Variants in LSM4 observed in about 807,000 individuals in gnomAD.
LSM4 encodes the protein LSM4 homolog, U6 small nuclear RNA and mRNA degradation associated.
LSM4 carries 15 observed loss-of-function variants against 22.3 expected under a neutral mutation model. The observed-to-expected ratio is 0.67, with a 90% CI of 0.45 to 1.03. The LOEUF (loss-of-function observed/expected upper bound fraction) is 1.03, where lower values mean the gene tolerates loss of function less well. Ranked by LOEUF, LSM4 falls within the 50% of genes least tolerant of loss-of-function variation. LSM4 has a pLI of 0.00. For synonymous variants in LSM4, 90 were observed against 79.8 expected (o/e 1.13, Z -0.68); for missense variants, 127 against 198.0 (o/e 0.64, Z 2.15).
At chr19:18,308,805 C>G (rs1238962278) in intron 4 of LSM4, among the ~76,000 whole-genome samples, 1 of 152,232 alleles carries the variant, frequency 6.6e-6, no homozygotes, top group Non-Finnish European at 1.5e-5. Flanking sequence ...GGCCACCAAC[C>G]TCCCCTCTCA....
rs775402670 is a variant in LSM4 at position 18,323,037 on chromosome 19, G to C, written c.-17C>G. On this transcript the variant is annotated 5_prime_UTR_variant, in exon 1 of 5. Transcript: ENST00000593829. ...CCTCACCATGGTGCCGGCGGGGACCGGGCTCGCCGGCCACTTCCGCCGCCG... is the reference window on the plus strand; with the variant it reads ...CCTCACCATGGTGCCGGCGGGGACCCGGCTCGCCGGCCACTTCCGCCGCCG... The C allele has an allele frequency of 5.8e-6, 9 of 1,544,480 alleles. No individual in the cohort carries two copies. Among genetic ancestry groups the C allele is most frequent in the East Asian group, 2.6e-5 (1 of 38,516 alleles).
intron 1 of LSM4, among the ~76,000 whole-genome samples, chr19:18,319,301 T>C (rs1212474529): frequency 2.0e-5 from 3 of 150,476 alleles, no homozygotes; most frequent in East Asian, 4.0e-4. Flanking sequence ...CCGTGGCTCA[T>C]GCCTGTAATC....
rs746136304 is a variant in LSM4 at position 18,309,709 on chromosome 19, C to G, written c.297G>C (p.Gln99His). Residue 99 changes from glutamine (Q) to histidine (H), a missense_variant, in exon 4 of 5, where the codon CAG becomes CAC. Coordinates refer to ENST00000593829, the MANE Select transcript of LSM4 (RefSeq NM_012321.5). The part of the protein sequence containing the change: ...GRGGLQQQKQ[Q>H]KGRGMGGAGR... ...CAGCGCCGCCCATGCCGCGGCCTTT[C>G]TGCTGCTTCTGCTGCTGCAGGCCTC... 3 of 1,610,564 alleles carry G rather than the reference C, an allele frequency of 1.9e-6. No homozygotes were observed. Among genetic ancestry groups the G allele is most frequent in the Non-Finnish European group, 1.7e-6 (2 of 1,178,782 alleles).
intron 3 of LSM4, among the ~76,000 whole-genome samples, chr19:18,311,633 C>T (rs1436554946): frequency 1.3e-5 from 2 of 152,150 alleles, no homozygotes; most frequent in African/African-American, 4.8e-5. Context: ...CACCAAGGCA[C>T]CATCCGACAC....
chr19:18,322,578 T>G (rs1442317027), intron 1 of LSM4, among the ~76,000 whole-genome samples: 2 of 152,170 alleles, frequency 1.3e-5, no homozygotes, highest in Non-Finnish European at 2.9e-5. Context: ...TTGCAAGCTC[T>G]GAAATTCCTA....
chr19:18,311,413 A>G (rs1970296212), intron 3 of LSM4, among the ~76,000 whole-genome samples: 1 of 152,172 alleles, frequency 6.6e-6, no homozygotes, highest in Non-Finnish European at 1.5e-5. Flanking sequence ...CAGGCTGCTC[A>G]GGGAAAGCCA....
intron 4 of LSM4, 89 bp downstream of exon 4, chr19:18,309,589 A>G (rs2148137770): frequency 7.2e-7 from 1 of 1,385,246 alleles, no homozygotes; most frequent in East Asian, 2.4e-5. Flanking sequence ...GCTCCGAGGC[A>G]GCGCTGCAAG....
intron 1 of LSM4, among the ~76,000 whole-genome samples, chr19:18,322,503 C>T (rs1191973194): frequency 6.6e-6 from 1 of 152,178 alleles, no homozygotes; most frequent in South Asian, 2.1e-4. Context: ...AAACACCACA[C>T]CCCAGCACCA....
At chr19:18,314,545 C>G (rs1375194018) in intron 2 of LSM4, among the ~76,000 whole-genome samples, 1 of 151,974 alleles carries the variant, frequency 6.6e-6, no homozygotes, top group Non-Finnish European at 1.5e-5. Context: ...AGTATCCGCT[C>G]CACGGAGTAT....
chr19:18,318,620 G>A (rs1055112738), intron 1 of LSM4, among the ~76,000 whole-genome samples: 6 of 152,238 alleles, frequency 3.9e-5, no homozygotes, highest in South Asian at 2.1e-4. Flanking sequence ...TCTCTAGTCC[G>A]TAACAGGAAC....
chr19:18,309,591 C>T (rs773632320), intron 4 of LSM4, 87 bp downstream of exon 4: 28 of 1,402,176 alleles, frequency 2.0e-5, no homozygotes, highest in African/African-American at 1.4e-4. Flanking sequence ...TCCGAGGCAG[C>T]GCTGCAAGGG....
chr19:18,312,670 A>G lies in LSM4; in HGVS notation c.78T>C (p.Asn26=), dbSNP rs140353142. The G allele has an allele frequency of 5.8e-5, 93 of 1,613,764 alleles. No homozygotes were observed. The African/African-American group carries it at 1.2e-3, about 21-fold the overall frequency. Residue 26 remains asparagine, a synonymous_variant, in exon 3 of 5, where the codon AAT becomes AAC. Coordinates refer to ENST00000593829, the MANE Select transcript of LSM4 (RefSeq NM_012321.5). The part of the protein sequence containing the change: ...LVELKNGETY[N]GHLVSCDNWM... ...AGTTGTCGCAGCTCACCAGGTGTCCATTGTACGTCTCCCCATTTTTCAGCT... is the reference window on the plus strand; with the variant it reads ...AGTTGTCGCAGCTCACCAGGTGTCCGTTGTACGTCTCCCCATTTTTCAGCT...
chr19:18,315,917 G>T, intron 2 of LSM4, 107 bp downstream of exon 2: 2 of 976,682 alleles, frequency 2.0e-6, no homozygotes, highest in Non-Finnish European at 3.2e-6. Flanking sequence ...AGAGCAAACT[G>T]CCATGCTGGT....
chr19:18,309,653 C>T (rs200308806), intron 4 of LSM4, 25 bp downstream of exon 4: 331 of 1,559,736 alleles, frequency 2.1e-4, no homozygotes, highest in African/African-American at 1.8e-3. Context: ...GCCCCAGGTA[C>T]GTCCACTGGA....
At chr19:18,320,331 A>G (rs1970412465) in intron 1 of LSM4, among the ~76,000 whole-genome samples, 1 of 152,104 alleles carries the variant, frequency 6.6e-6, no homozygotes, top group Non-Finnish European at 1.5e-5. Context: ...AACACAAAAG[A>G]TTCTGTCTCT....
intron 2 of LSM4, among the ~76,000 whole-genome samples, chr19:18,313,133 T>C (rs1970316880): frequency 6.6e-6 from 1 of 152,128 alleles, no homozygotes; most frequent in Admixed American, 6.5e-5. Flanking sequence ...GCAGGAGAAC[T>C]GTTTGAACCC....
chr19:18,316,752 G>C (rs57851210), intron 1 of LSM4, among the ~76,000 whole-genome samples: 113 of 152,144 alleles, frequency 7.4e-4, no homozygotes, highest in African/African-American at 2.7e-3. Flanking sequence ...GAAACCCGAG[G>C]AACTTGCCCA....
intron 1 of LSM4, among the ~76,000 whole-genome samples, chr19:18,320,610 C>T (rs576867975): frequency 6.6e-6 from 1 of 151,940 alleles, no homozygotes; most frequent in African/African-American, 2.4e-5. Context: ...ACTAGCCTGG[C>T]CAACATAGTG....
chr19:18,322,719 A>C (rs1281098530), intron 1 of LSM4, among the ~76,000 whole-genome samples: 3 of 150,136 alleles, frequency 2.0e-5, no homozygotes, highest in African/African-American at 4.9e-5. Context: ...CATTTGGCGG[A>C]TCCCCACCTT....
Sources: allele counts gnomAD v4.1 joint callset (sites outside exome capture counted in the v4.1 genomes callset), GRCh38; gene constraint gnomAD v4.1.1; transcripts MANE v1.5; gene names NCBI Gene and HGNC (gene_info 2026-07-23, HGNC 2026-07-21).